Variants in TNRC6A observed in about 807,000 individuals in gnomAD.
TNRC6A encodes trinucleotide repeat containing adaptor 6A, also known as trinucleotide repeat-containing gene 6A protein.
A neutral mutation model predicts 221.2 loss-of-function variants in TNRC6A; 44 were observed. The ratio of observed to expected loss-of-function variants is 0.20; its 90% confidence interval spans 0.16 to 0.26. TNRC6A has a LOEUF of 0.26. Among genes scored for constraint, TNRC6A ranks in the 10% least tolerant of loss-of-function variants. The pLI, the probability that TNRC6A is intolerant of heterozygous loss-of-function variation, is 1.00. For missense variants in TNRC6A, 2,199 were observed against 2,404.4 expected (o/e 0.91, Z 1.79); for synonymous variants, 847 against 838.5 (o/e 1.01, Z -0.18).
chr16:24,737,315 T>C (rs150346184), intron 2 of TNRC6A, among the ~76,000 whole-genome samples: 1 of 152,100 alleles, frequency 6.6e-6, no homozygotes, highest in African/African-American at 2.4e-5. Context: ...ATGTTTGAGA[T>C]TCAAAAGGAA....
intron 4 of TNRC6A, among the ~76,000 whole-genome samples, chr16:24,763,380 T>TTGTTAAAA (rs1017129899): frequency 2.6e-5 from 4 of 152,192 alleles, no homozygotes; most frequent in African/African-American, 9.7e-5. Flanking sequence ...ACCAGTACAT[T>TTGTTAAAA]TGTTAAAATC....
At chr16:24,771,582 T>TTATGTTATGTTGTTATGTTATGTTA in intron 4 of TNRC6A, among the ~76,000 whole-genome samples, 34 of 95,516 alleles carry the variant, frequency 3.6e-4, no homozygotes, top group African/African-American at 9.6e-4. Flanking sequence ...TTATGTTATG[T>TTATGTTATGTTGTTATGTTATGTTA]TGTTATGTTA....
chr16:24,782,681 T>C (rs1427441310), intron 5 of TNRC6A, among the ~76,000 whole-genome samples: 4 of 151,964 alleles, frequency 2.6e-5, no homozygotes, highest in African/African-American at 9.7e-5. Flanking sequence ...ATCTAGAGCA[T>C]CCTGGCTAAC....
At chr16:24,616,325 C>CAAAAAAAA (rs397855433) in intron 1 of TNRC6A, among the ~76,000 whole-genome samples, 1 of 74,110 alleles carries the variant, frequency 1.3e-5, no homozygotes, top group Non-Finnish European at 2.7e-5. Flanking sequence ...GATGCTGTCT[C>CAAAAAAAA]AAAAAAAAAA....
chr16:24,814,676 G>C (rs145872298), intron 18 of TNRC6A, among the ~76,000 whole-genome samples: 4,589 of 152,092 alleles, frequency 0.03, 241 homozygotes, highest in African/African-American at 0.1. Flanking sequence ...GCCTCCCAAA[G>C]TGCTGGGATT....
chr16:24,819,465 TC>T (rs770418856), intron 21 of TNRC6A: 1 of 152,084 alleles, frequency 6.6e-6, no homozygotes, highest in Non-Finnish European at 1.5e-5. Flanking sequence ...TCTCTGTCTT[TC>T]CTTCCTTTCC....
rs535266721 is a variant in TNRC6A at position 24,814,562 on chromosome 16, G to A, written c.4673-585G>A. On this transcript the variant is annotated intron_variant, in intron 18 of 24. Coordinates refer to ENST00000395799, the MANE Select transcript of TNRC6A (RefSeq NM_014494.4). Reference sequence around the variant, plus strand: ...TAGCTGTAGCTGGGACTACAGGTGCGTGCCACCATGCCCAGCTAATTTTTG... The same window carrying A: ...TAGCTGTAGCTGGGACTACAGGTGCATGCCACCATGCCCAGCTAATTTTTG... Among the ~76,000 whole-genome samples the A allele has an allele frequency of 6.6e-5, 10 of 151,420 alleles. No individual in the cohort carries two copies. In the South Asian group the frequency reaches 1.3e-3, roughly 19 times the overall value.
chr16:24,750,536 G>GTGAAT lies in TNRC6A; in HGVS notation c.54-187_54-183dup, dbSNP rs144147466. On this transcript the variant is annotated intron_variant, in intron 2 of 24. Coordinates refer to ENST00000395799, the MANE Select transcript of TNRC6A (RefSeq NM_014494.4). ...GCTGTGCTACTTGTGGCTTATTAAA[G>GTGAAT]TGAATTGTACCATATAGTGGCTATA... Among the ~76,000 whole-genome samples, 1,304 of 152,304 alleles carry GTGAAT rather than the reference G, an allele frequency of 8.6e-3. 22 individuals carry two copies. Among genetic ancestry groups the GTGAAT allele is most frequent in the African/African-American group, 0.03 (1,240 of 41,562 alleles).
chr16:24,806,427 G>T (rs2058433316), intron 16 of TNRC6A, 144 bp downstream of exon 16: 1 of 1,355,200 alleles, frequency 7.4e-7, no homozygotes, highest in Non-Finnish European at 1.0e-6. Context: ...AAGTCTGCTG[G>T]TTGCCCATGA....
intron 2 of TNRC6A, among the ~76,000 whole-genome samples, chr16:24,749,185 G>T (rs1258268169): frequency 6.6e-6 from 1 of 152,216 alleles, no homozygotes. Flanking sequence ...TTAGGGTGAT[G>T]ACTACAGGTA....
intron 2 of TNRC6A, among the ~76,000 whole-genome samples, chr16:24,737,066 C>T (rs1447851526): frequency 6.6e-6 from 1 of 152,096 alleles, no homozygotes; most frequent in Non-Finnish European, 1.5e-5. Flanking sequence ...CACGGTGCCA[C>T]CAGACCAAGG....
Position 24,790,788 on chromosome 16 carries a change from C to T in TNRC6A, c.2146C>T (p.Arg716Cys), listed in dbSNP as rs760324055. ...SIVNRTDLDP[R>C]VLSNSGWGQT... is the part of the protein sequence containing the mutation. ...TGTAAACAGAACTGACTTAGATCCA[C>T]GTGTCCTGTCCAACTCTGGTTGGGG... Residue 716 changes from arginine to cysteine, a missense_variant, in exon 6 of 25, where the codon CGT (arginine) becomes TGT (cysteine). Physicochemically the swap from Arg to Cys is radical, Grantham distance 180. Transcript: ENST00000395799. 6.2e-6 allele frequency: 10 copies of T among 1,613,996 alleles called. No individual in the cohort carries two copies. Among genetic ancestry groups the T allele is most frequent in the East Asian group, 4.5e-5 (2 of 44,902 alleles).
chr16:24,714,530 C>T (rs148921678), intron 2 of TNRC6A, among the ~76,000 whole-genome samples: 1,622 of 152,038 alleles, frequency 0.011, 34 homozygotes, highest in African/African-American at 0.037. Flanking sequence ...TGGTCTCGAT[C>T]TCCTGACCTG....
intron 1 of TNRC6A, among the ~76,000 whole-genome samples, chr16:24,630,036 C>A (rs1016859991): frequency 6.6e-6 from 1 of 152,130 alleles, no homozygotes; most frequent in African/African-American, 2.4e-5. Context: ...TCCTACATAA[C>A]TTTTCATAAC....
chr16:24,791,044 AG>A lies in TNRC6A; in HGVS notation c.2409del (p.Trp804GlyfsTer99). The A allele has an allele frequency of 2.5e-6, 4 of 1,594,470 alleles. No homozygotes were observed. The highest frequency in any genetic ancestry group is 1.3e-5 in the African/African-American group (1 of 74,752). ...RWGDSKGSNC[Q>X]GGWEDDSAAT... ...GGAGATTCCAAAGGCTCAAACTGCCAGGGGGGGTGGGAAGATGATTCTGCTG... is the reference window on the plus strand; with the variant it reads ...GGAGATTCCAAAGGCTCAAACTGCCAGGGGGGTGGGAAGATGATTCTGCTG... On this transcript the variant is annotated frameshift_variant, in exon 6 of 25. Transcript: ENST00000395799. LOFTEE classifies it high-confidence loss of function.
intron 4 of TNRC6A, among the ~76,000 whole-genome samples, chr16:24,765,230 G>A (rs924073524): frequency 2.0e-5 from 3 of 152,192 alleles, no homozygotes; most frequent in Non-Finnish European, 4.4e-5. Flanking sequence ...AGGGGTTACT[G>A]TACTGCCTGG....
chr16:24,708,492 C>T lies in TNRC6A; in HGVS notation n.403-42234C>T, dbSNP rs1282187767. On this transcript the variant is annotated intron_variant and non_coding_transcript_variant, in intron 2 of 2. Transcript: ENST00000566108. ...TCCTGACTTGGTGATCCGCCAGTCT[C>T]GGCCTCTCAAAGTGCTGGGATTATA... is the stretch of plus-strand genomic sequence containing the variant. Among the ~76,000 whole-genome samples the T allele has an allele frequency of 2.6e-5, 4 of 152,204 alleles. No homozygotes were observed. The East Asian group carries it at 5.8e-4, about 22-fold the overall frequency.
chr16:24,803,953 G>A lies in TNRC6A; in HGVS notation c.3695-224G>A, dbSNP rs1034604521. On this transcript the variant is annotated intron_variant, in intron 11 of 24. Transcript: ENST00000395799. ...TCAGCCAGCCACCTTCTGTTTACTA[G>A]TCTATTTCAAGTTAATTATTTCAGT... 8.7e-6 allele frequency: 4 copies of A among 460,772 alleles called. No homozygotes were observed. The Admixed American group carries it at 1.3e-4, about 15-fold the overall frequency. The allele number at this position is 460,772 out of a possible 1,614,324, so 28.5% of individuals were successfully genotyped here.
intron 2 of TNRC6A, among the ~76,000 whole-genome samples, chr16:24,684,076 C>T (rs2055581821): frequency 6.6e-6 from 1 of 152,168 alleles, no homozygotes; most frequent in Non-Finnish European, 1.5e-5. Context: ...CATGACAATC[C>T]TTAATGAATG....
Sources: allele counts gnomAD v4.1 joint callset (sites outside exome capture counted in the v4.1 genomes callset), GRCh38; gene constraint gnomAD v4.1.1; transcripts MANE v1.5; gene names NCBI Gene and HGNC (gene_info 2026-07-23, HGNC 2026-07-21).